The following ATP6V1E2 variants were observed in gnomAD, a reference collection of about 807,000 sequenced individuals.
ATP6V1E2 encodes the protein V-type proton ATPase subunit E 2.
For synonymous variants in ATP6V1E2, 121 were observed against 104.2 expected (o/e 1.16, Z -0.98); for missense variants, 308 against 273.3 (o/e 1.13, Z -0.90).
chr2:46,512,921 A>G (rs1462641065), intron 4 of ATP6V1E2, 109 bp from the exon 5 acceptor site: 2 of 525,878 alleles, frequency 3.8e-6, no homozygotes, highest in Non-Finnish European at 6.7e-6. Context: ...TGAGGTCCAG[A>G]GAAGGAACAC....
chr2:46,518,119 G>A lies in ATP6V1E2; in HGVS notation c.-101-5307C>T, dbSNP rs541836595. Among the ~76,000 whole-genome samples the A allele has an allele frequency of 1.6e-3, 245 of 152,254 alleles. 2 individuals carry two copies. The highest frequency in any genetic ancestry group is 5.4e-3 in the African/African-American group (226 of 41,534). On this transcript the variant is annotated intron_variant, in intron 4 of 4. Transcript: ENST00000522587. ...CAATCTACAAGCTTACTGATGGATG[G>A]ATAAAAACAGTGTGGTGTATACATA... is the stretch of plus-strand genomic sequence containing the variant.
chr2:46,522,156 G>GGT (rs1432942672), intron 4 of ATP6V1E2, among the ~76,000 whole-genome samples: 1 of 151,704 alleles, frequency 6.6e-6, no homozygotes, highest in African/African-American at 2.4e-5. Flanking sequence ...CAGGAATGAT[G>GGT]GTGTGCGCCT....
intron 4 of ATP6V1E2, among the ~76,000 whole-genome samples, chr2:46,531,707 T>G (rs550860727): frequency 2.0e-5 from 3 of 152,322 alleles, no homozygotes; most frequent in Non-Finnish European, 2.9e-5. Flanking sequence ...CCCCCACCCC[T>G]AATTATAGCC....
rs1232805830 is a variant in ATP6V1E2 at position 46,535,994 on chromosome 2, G to C, written c.-216-67C>G. 6.6e-6 allele frequency: 1 copy of C among 152,112 alleles called. No individual in the cohort carries two copies. The highest frequency in any genetic ancestry group is 1.5e-5 in the Non-Finnish European group (1 of 68,028). 9.4% of individuals were successfully genotyped at this position (152,112 alleles called of 1,614,324 possible). A position where few individuals can be genotyped will look rare whatever the true frequency, so the allele number is the denominator to read the frequency against. ...GGGATCTGTGATCTAGCCTCCTTTGGAGCCTATGAGAGGAGACCACTCCTA... is the reference window on the plus strand; with the variant it reads ...GGGATCTGTGATCTAGCCTCCTTTGCAGCCTATGAGAGGAGACCACTCCTA... On this transcript the variant is annotated intron_variant, in intron 3 of 4. Coordinates refer to ENST00000522587, the MANE Select transcript of ATP6V1E2 (RefSeq NM_001318063.2). This position sits in a 1 kb window ranked among gnomAD's most constrained non-coding sequence, Gnocchi z 4.4.
In ATP6V1E2 at chr2:46,530,507, C is replaced by T. The variant is rs1667131549; in HGVS notation, c.-102+5306G>A. Among the ~76,000 whole-genome samples, 1 of 152,240 alleles carries T rather than the reference C, an allele frequency of 6.6e-6. No homozygotes were observed. Among genetic ancestry groups the T allele is most frequent in the Non-Finnish European group, 1.5e-5 (1 of 68,040 alleles). On this transcript the variant is annotated intron_variant, in intron 4 of 4. Transcript: ENST00000522587. The surrounding 1 kb of genome is among the most constrained non-coding windows in gnomAD (Gnocchi z 5.2). ...CCGCTTTCCCTGGCCACCTGCCCTG[C>T]ACTCTCCTCAAGTGTTATTATATAT...
In ATP6V1E2 at chr2:46,512,749, A is replaced by C. The variant is rs367600039; in HGVS notation, c.-38T>G. The C allele has an allele frequency of 1.2e-5, 18 of 1,560,148 alleles. No individual in the cohort carries two copies. Among genetic ancestry groups the C allele is most frequent in the African/African-American group, 2.7e-5 (2 of 73,372 alleles). On this transcript the variant is annotated 5_prime_UTR_variant, in exon 5 of 5. Transcript: ENST00000522587. ...AGGGGACGGCAGAGAGGGAGCTCGT[A>C]CACCGTTTGGCTCCTTTGACTTAGG... is the stretch of plus-strand genomic sequence containing the variant.
intron 4 of ATP6V1E2, among the ~76,000 whole-genome samples, chr2:46,529,675 G>A (rs527974099): frequency 4.5e-4 from 68 of 152,296 alleles, no homozygotes; most frequent in Non-Finnish European, 6.6e-4. Context: ...AGGATCACTA[G>A]AGCCCAGGCA....
At chr2:46,523,003 C>CT (rs1439549277) in intron 4 of ATP6V1E2, among the ~76,000 whole-genome samples, 2 of 152,072 alleles carry the variant, frequency 1.3e-5, no homozygotes, top group Non-Finnish European at 2.9e-5. Flanking sequence ...TGATATTCAG[C>CT]TTTTTTTCAT....
At chr2:46,531,378 C>A (rs943389132) in intron 4 of ATP6V1E2, among the ~76,000 whole-genome samples, 1 of 152,212 alleles carries the variant, frequency 6.6e-6, no homozygotes, top group Non-Finnish European at 1.5e-5. Flanking sequence ...CTTTTTATGG[C>A]TCAATAATAT....
At chr2:46,525,484 A>AAAAAAAG (rs1420336137) in intron 4 of ATP6V1E2, among the ~76,000 whole-genome samples, 2 of 148,836 alleles carry the variant, frequency 1.3e-5, no homozygotes, top group African/African-American at 5.0e-5. Context: ...AAAGAAAAAA[A>AAAAAAAG]AAAAAGAAAG....
intron 4 of ATP6V1E2, chr2:46,518,797 T>TGTGC (rs1666449909): frequency 1.1e-5 from 1 of 90,446 alleles, no homozygotes. Context: ...TGTGTGTGTG[T>TGTGC]GTGTGTGTGT....
chr2:46,541,740 C>T (rs1052995859), intron 1 of ATP6V1E2: 6 of 152,262 alleles, frequency 3.9e-5, no homozygotes, highest in Non-Finnish European at 8.8e-5. Context: ...GCCCCAATGC[C>T]CAGTGTTCAA....
intron 4 of ATP6V1E2, among the ~76,000 whole-genome samples, chr2:46,533,967 T>C (rs561789566): frequency 9.1e-4 from 139 of 152,328 alleles, no homozygotes; most frequent in African/African-American, 3.0e-3. Context: ...ATAAAATGTG[T>C]CTTTTTTTCT....
chr2:46,539,320 C>T (rs753632071), intron 2 of ATP6V1E2, among the ~76,000 whole-genome samples: 1 of 152,224 alleles, frequency 6.6e-6, no homozygotes, highest in Non-Finnish European at 1.5e-5. Context: ...CCCAGAACCA[C>T]TGCTTGCCTA....
rs754090922 is a variant in ATP6V1E2 at position 46,512,322 on chromosome 2, A to G, written c.390T>C (p.Pro130=). 3 of 1,612,744 alleles carry G rather than the reference A, an allele frequency of 1.9e-6. No homozygotes were observed. The South Asian group carries it at 3.3e-5, about 18-fold the overall frequency. The change falls in exon 5 of 5, where the codon CCT becomes CCC. Residue 130 remains proline (P), a synonymous_variant. Coordinates refer to ENST00000522587, the MANE Select transcript of ATP6V1E2 (RefSeq NM_001318063.2). ...VLQGLLRLLE[P]VMIVRCRPQD... ...GTGGCCGGCAGCGTACAATCATCAC[A>G]GGTTCCAGCAGTCGGAGCAGACCCT... is the stretch of plus-strand genomic sequence containing the variant.
intron 4 of ATP6V1E2, among the ~76,000 whole-genome samples, chr2:46,523,773 T>C (rs898698095): frequency 3.3e-5 from 5 of 152,222 alleles, no homozygotes; most frequent in African/African-American, 7.2e-5. Context: ...GTGAAGAATG[T>C]CAATGGTAGT....
intron 4 of ATP6V1E2, chr2:46,519,677 G>A (rs1558658671): frequency 6.6e-6 from 1 of 152,150 alleles, no homozygotes; most frequent in Non-Finnish European, 1.5e-5. Flanking sequence ...CTACATCATT[G>A]GATTATTGTA....
Position 46,512,331 on chromosome 2 carries a change from C to A in ATP6V1E2, c.381G>T (p.Leu127=), listed in dbSNP as rs755543071. ...AGCGTACAATCATCACAGGTTCCAGCAGTCGGAGCAGACCCTGGAGCACCA... is the reference window on the plus strand; with the variant it reads ...AGCGTACAATCATCACAGGTTCCAGAAGTCGGAGCAGACCCTGGAGCACCA... ...DKLVLQGLLR[L]LEPVMIVRCR... is the part of the protein sequence containing the mutation. The change falls in exon 5 of 5, where the codon CTG becomes CTT. Residue 127 remains leucine (L), a synonymous_variant. Transcript: ENST00000522587. The A allele has an allele frequency of 7.4e-6, 12 of 1,612,864 alleles. No individual in the cohort carries two copies. The highest frequency in any genetic ancestry group is 4.5e-5 in the East Asian group (2 of 44,878).
At chr2:46,516,288 G>C (rs575456978) in intron 4 of ATP6V1E2, among the ~76,000 whole-genome samples, 1 of 152,158 alleles carries the variant, frequency 6.6e-6, no homozygotes, top group Non-Finnish European at 1.5e-5. Context: ...GTTATAAAAC[G>C]AATCTCAATA....
Sources: allele counts gnomAD v4.1 joint callset (sites outside exome capture counted in the v4.1 genomes callset), GRCh38; gene constraint gnomAD v4.1.1; non-coding constraint Gnocchi (gnomAD v3.1); transcripts MANE v1.5; gene names NCBI Gene and HGNC (gene_info 2026-07-23, HGNC 2026-07-21).